MME: variants seen among roughly 807,000 people sequenced by gnomAD.
MME encodes the protein neprilysin.
MME carries 98 observed loss-of-function variants against 113.2 expected under a neutral mutation model. That is an observed-to-expected ratio of 0.87 (90% CI 0.74 to 1.02). The LOEUF (loss-of-function observed/expected upper bound fraction) is 1.02. Among genes scored for constraint, MME ranks in the 50% least tolerant of loss-of-function variants. The probability of loss-of-function intolerance (pLI) is 0.00; values close to 1 mark genes in which losing one functional copy is unlikely to be tolerated. For synonymous variants in MME, 292 were observed against 300.6 expected (o/e 0.97, Z 0.30); for missense variants, 836 against 896.0 (o/e 0.93, Z 0.86).
intron 2 of MME, 81 bp downstream of exon 2, chr3:155,084,408 G>T: frequency 7.0e-7 from 1 of 1,436,880 alleles, no homozygotes; most frequent in Non-Finnish European, 9.8e-7. Flanking sequence ...TCTATCCAAC[G>T]AATGTGTTAA....
chr3:155,031,763 T>C (rs1349451700), intron 1 of MME, among the ~76,000 whole-genome samples: 2 of 152,224 alleles, frequency 1.3e-5, no homozygotes, highest in Admixed American at 6.5e-5. Context: ...GTTCAAGTGA[T>C]TCTCCTGCCT....
Position 155,160,425 on chromosome 3 carries a change from A to G in MME, c.1637A>G (p.Tyr546Cys). The change falls in exon 17 of 23, where the codon TAC (tyrosine) becomes TGC (cysteine). Residue 546 changes from tyrosine to cysteine, a missense_variant. Transcript: ENST00000360490. ...GGAGCAGCTGTAGTCAATGCATTTTACTCTTCAGGAAGAAATCAGATAGGT... is the reference window on the plus strand; with the variant it reads ...GGAGCAGCTGTAGTCAATGCATTTTGCTCTTCAGGAAGAAATCAGATAGGT... ...ISGAAVVNAFYSSGRNQIVFP... is the reference protein window; with the variant it reads ...ISGAAVVNAFCSSGRNQIVFP... The G allele has an allele frequency of 6.2e-7, 1 of 1,607,736 alleles. No individual in the cohort carries two copies. The highest frequency in any genetic ancestry group is 8.5e-7 in the Non-Finnish European group (1 of 1,174,610).
At chr3:155,109,840 C>G (rs1205389540) in intron 3 of MME, among the ~76,000 whole-genome samples, 1 of 152,210 alleles carries the variant, frequency 6.6e-6, no homozygotes, top group Non-Finnish European at 1.5e-5. Context: ...ATTTTTCACA[C>G]TCCATTTTCC....
rs200678412 is a variant in MME at position 155,172,186 on chromosome 3, C to T, written c.2050C>T (p.Gln684Ter). The change falls in exon 21 of 23, where the codon CAA (glutamine) becomes TAA (stop). Residue 684 changes from glutamine to a stop codon, truncating the protein, a stop_gained. Coordinates refer to ENST00000360490, the MANE Select transcript of MME (RefSeq NM_007289.4). LOFTEE classifies it high-confidence loss of function. ...LLPGLDLNHKQLFFLNFAQVW... is the reference protein window; with the variant it reads ...LLPGLDLNHK ...TCCTGGACTTGACCTAAATCACAAACAACTATTTTTCTTGAACTTTGCACA... is the reference window on the plus strand; with the variant it reads ...TCCTGGACTTGACCTAAATCACAAATAACTATTTTTCTTGAACTTTGCACA... 35 of 1,610,480 alleles carry T rather than the reference C, an allele frequency of 2.2e-5. No homozygotes were observed. The highest frequency in any genetic ancestry group is 3.0e-5 in the Non-Finnish European group (35 of 1,177,158).
rs750359928 is a variant in MME at position 155,116,717 on chromosome 3, T to C, written c.493T>C (p.Tyr165His). ...TCTACTCAAACTGTTACCAGACATATATGGGTGGCCAGTAGCAACAGAAAA... is the reference window on the plus strand; with the variant it reads ...TCTACTCAAACTGTTACCAGACATACATGGGTGGCCAGTAGCAACAGAAAA... ...EPLLKLLPDI[Y>H]GWPVATENWE... Residue 165 changes from tyrosine (Y) to histidine (H), a missense_variant, in exon 6 of 23, where the codon TAT becomes CAT. Coordinates refer to ENST00000360490, the MANE Select transcript of MME (RefSeq NM_007289.4). 3 of 1,613,620 alleles carry C rather than the reference T, an allele frequency of 1.9e-6. No homozygotes were observed. The East Asian group carries it at 6.7e-5, about 36-fold the overall frequency.
chr3:155,138,323 G>C, intron 9 of MME, 87 bp downstream of exon 9: 1 of 1,394,222 alleles, frequency 7.2e-7, no homozygotes, highest in Non-Finnish European at 1.0e-6. Flanking sequence ...AGAGTAAAAG[G>C]TACAGCACTT....
chr3:155,168,702 A>G, intron 19 of MME, 30 bp from the exon 20 acceptor site: 1 of 1,612,404 alleles, frequency 6.2e-7, no homozygotes, highest in Non-Finnish European at 8.5e-7. Flanking sequence ...TCTTTTTTTA[A>G]CAATCCTAAT....
intron 3 of MME, among the ~76,000 whole-genome samples, chr3:155,104,356 T>C (rs568244917): frequency 4.9e-4 from 75 of 152,282 alleles, no homozygotes; most frequent in African/African-American, 1.7e-3. Context: ...AATATAAACA[T>C]ATGGAGCCAA....
At position 155,116,689 on chromosome 3, in the gene MME, AC is replaced by A. The variant is rs749320057; in HGVS notation, c.467del (p.Pro156LeufsTer14). On this transcript the variant is annotated frameshift_variant, in exon 6 of 23. Transcript: ENST00000360490. LOFTEE classifies it high-confidence loss of function. ...CTGCTATTGATAGCAGAGGTGGAGA[AC>A]CTCTACTCAAACTGTTACCAGACAT... Reference protein sequence around the residue: ...ESAIDSRGGEPLLKLLPDIYG... With the variant: ...ESAIDSRGGEXLLKLLPDIYG... 3.3e-4 allele frequency: 526 copies of A among 1,612,842 alleles called. No individual in the cohort carries two copies. The highest frequency in any genetic ancestry group is 1.0e-3 in the Admixed American group (62 of 59,834).
Position 155,051,495 on chromosome 3 carries a change from A to G in MME, c.-11+27171A>G, listed in dbSNP as rs551675270. ...CAAAGGAGGCCTCAAGAAACTTACA[A>G]TCATAGTGGAAAGCAAAACAGGCAC... On this transcript the variant is annotated intron_variant, in intron 1 of 22. Transcript: ENST00000492661. 7.9e-5 allele frequency among the ~76,000 whole-genome samples: 12 copies of G among 152,284 alleles called. No homozygotes were observed. The East Asian group carries it at 1.2e-3, about 15-fold the overall frequency.
At chr3:155,158,057 A>G (rs1471230036) in intron 16 of MME, among the ~76,000 whole-genome samples, 1 of 152,140 alleles carries the variant, frequency 6.6e-6, no homozygotes, top group Admixed American at 6.6e-5. Context: ...TGGATAATAT[A>G]TAAACTTCAT....
At chr3:155,118,051 C>T (rs745894193) in intron 7 of MME, among the ~76,000 whole-genome samples, 6 of 152,150 alleles carry the variant, frequency 3.9e-5, no homozygotes, top group Non-Finnish European at 7.3e-5. Flanking sequence ...GGACCAGACA[C>T]GTTAGCGCAA....
At chr3:155,047,465 C>T (rs1320769824) in intron 1 of MME, among the ~76,000 whole-genome samples, 3 of 152,188 alleles carry the variant, frequency 2.0e-5, no homozygotes, top group East Asian at 3.9e-4. Flanking sequence ...TTTCCCAGAA[C>T]ATATCCTTGT....
rs1576699046 is a variant in MME, at chr3:155,084,823, G to A, written c.161-236G>A. 2.6e-5 allele frequency among the ~76,000 whole-genome samples: 4 copies of A among 152,208 alleles called. No individual in the cohort carries two copies. In the East Asian group the frequency reaches 7.7e-4, roughly 29 times the overall value. On this transcript the variant is annotated intron_variant, in intron 2 of 22. Transcript: ENST00000360490. ...ATTTAATAGGCCTGGGGCTTCGTTG[G>A]TAGAGAAGATATAATAACACATTTT...
intron 3 of MME, among the ~76,000 whole-genome samples, chr3:155,108,609 A>AT: frequency 6.6e-6 from 1 of 152,176 alleles, no homozygotes; most frequent in East Asian, 1.9e-4. Context: ...AAAAAAAAAA[A>AT]ACAAATTAAA....
At chr3:155,128,660 G>A (rs1400037999) in intron 8 of MME, among the ~76,000 whole-genome samples, 3 of 151,898 alleles carry the variant, frequency 2.0e-5, no homozygotes, top group African/African-American at 7.3e-5. Context: ...CCAGGTTTCT[G>A]TATACTTCTT....
chr3:155,070,743 C>T (rs528354215), intron 1 of MME, among the ~76,000 whole-genome samples: 32 of 152,240 alleles, frequency 2.1e-4, no homozygotes, highest in African/African-American at 7.5e-4. Context: ...ATATACTTTC[C>T]CACTCAGGAG....
intron 17 of MME, among the ~76,000 whole-genome samples, chr3:155,164,743 T>C (rs948583708): frequency 8.5e-5 from 13 of 152,184 alleles, no homozygotes; most frequent in Admixed American, 7.2e-4. Flanking sequence ...TTTTATACTT[T>C]AAGGTAAAAA....
rs1477357900 is a variant in MME at position 155,138,276 on chromosome 3, A to G, written c.855+40A>G. 3 of 1,602,892 alleles carry G rather than the reference A, an allele frequency of 1.9e-6. No individual in the cohort carries two copies. The East Asian group carries it at 6.7e-5, about 36-fold the overall frequency. On this transcript the variant is annotated intron_variant, in intron 9 of 22. Transcript: ENST00000360490. The stretch of plus-strand genomic sequence containing the variant: ...TTTTTCTGATACACTGAATAATGTC[A>G]ACCGCTTTTTTTCTTTCCCCTCTCT...
Sources: gnomAD v4.1 joint callset for allele counts (sites outside exome capture counted in the v4.1 genomes callset) on GRCh38, gnomAD v4.1.1 for gene constraint, MANE v1.5 for transcripts, NCBI Gene and HGNC (gene_info 2026-07-23, HGNC 2026-07-21) for gene names.